The following CNTNAP2 variants were observed in gnomAD, a reference collection of about 807,000 sequenced individuals.
CNTNAP2 encodes the protein contactin-associated protein-like 2.
A neutral mutation model predicts 155.2 loss-of-function variants in CNTNAP2; 98 were observed. The observed-to-expected ratio is 0.63, with a 90% CI of 0.54 to 0.75. The LOEUF (loss-of-function observed/expected upper bound fraction) is 0.75. Among genes scored for constraint, CNTNAP2 ranks in the 30% least tolerant of loss-of-function variants. The probability of loss-of-function intolerance (pLI) is 0.00; values close to 1 mark genes in which losing one functional copy is unlikely to be tolerated. For synonymous variants in CNTNAP2, 651 were observed against 631.2 expected, an observed-to-expected ratio of 1.03 and a Z score of -0.47; for missense variants, 1,727 against 1,688.1, an observed-to-expected ratio of 1.02 and a Z score of -0.40.
intron 8 of CNTNAP2, among the ~76,000 whole-genome samples, chr7:147,212,099 A>T (rs1803160868): frequency 6.6e-6 from 1 of 152,096 alleles, no homozygotes; most frequent in Admixed American, 6.6e-5. Context: ...ATAAAACAAC[A>T]CATACTGGTG....
At chr7:148,134,636 C>T (rs149570832) in intron 16 of CNTNAP2, among the ~76,000 whole-genome samples, 3 of 152,118 alleles carry the variant, frequency 2.0e-5, no homozygotes, top group South Asian at 4.1e-4. Flanking sequence ...TAAATAAAAT[C>T]GTATACAATA....
At chr7:148,125,828 A>G (rs1004147608) in intron 16 of CNTNAP2, among the ~76,000 whole-genome samples, 1 of 151,726 alleles carries the variant, frequency 6.6e-6, no homozygotes, top group Non-Finnish European at 1.5e-5. Context: ...CAGCCTCCCA[A>G]GTAGCTGGGA....
At chr7:147,016,744 T>C (rs924897312) in intron 3 of CNTNAP2, among the ~76,000 whole-genome samples, 6 of 152,058 alleles carry the variant, frequency 3.9e-5, no homozygotes, top group African/African-American at 1.4e-4. Context: ...AGGCACAAAA[T>C]AGTTTCTAGA....
In CNTNAP2 at chr7:146,727,991, A is replaced by G. The variant is rs145940555; in HGVS notation, c.98-46280A>G. 3.3e-5 allele frequency among the ~76,000 whole-genome samples: 5 copies of G among 152,254 alleles called. No individual in the cohort carries two copies. In the East Asian group the frequency reaches 9.7e-4, roughly 30 times the overall value. On this transcript the variant is annotated intron_variant, in intron 1 of 23. Transcript: ENST00000361727. ...AGCACCTGCTGTTATGTTGTTGCTCACTAAGTAGAGAAGGGGTCCAATGGC... is the reference window on the plus strand; with the variant it reads ...AGCACCTGCTGTTATGTTGTTGCTCGCTAAGTAGAGAAGGGGTCCAATGGC...
intron 8 of CNTNAP2, among the ~76,000 whole-genome samples, chr7:147,274,704 T>C (rs1345081629): frequency 1.3e-5 from 2 of 152,080 alleles, no homozygotes; most frequent in Admixed American, 1.3e-4. Context: ...TATTTTTGGG[T>C]TTGTTGCATT....
intron 17 of CNTNAP2, among the ~76,000 whole-genome samples, chr7:148,167,126 G>A (rs1265068081): frequency 6.6e-6 from 1 of 152,078 alleles, no homozygotes; most frequent in Non-Finnish European, 1.5e-5. Context: ...GAAGAGGGAG[G>A]ACAAAACTTT....
chr7:147,866,991 A>T lies in CNTNAP2; in HGVS notation c.2099-36574A>T, dbSNP rs12540453. Among the ~76,000 whole-genome samples the T allele has an allele frequency of 1.7e-4, 26 of 152,050 alleles. No individual in the cohort carries two copies. The East Asian group carries it at 4.4e-3, about 26-fold the overall frequency. On this transcript the variant is annotated intron_variant, in intron 13 of 23. Coordinates refer to ENST00000361727, the MANE Select transcript of CNTNAP2 (RefSeq NM_014141.6). ...TATGTGTGAATTTGACCCTCTCATT[A>T]TTATGTTAGCTGTTTATTTTGCTCA...
At chr7:146,630,089 G>A (rs1277879531) in intron 1 of CNTNAP2, among the ~76,000 whole-genome samples, 4 of 151,664 alleles carry the variant, frequency 2.6e-5, no homozygotes, top group Non-Finnish European at 5.9e-5. Context: ...TAGGTTTTAA[G>A]CCCTGTGTGC....
At chr7:147,768,500 G>A (rs932815051) in intron 13 of CNTNAP2, among the ~76,000 whole-genome samples, 1 of 152,022 alleles carries the variant, frequency 6.6e-6, no homozygotes, top group Non-Finnish European at 1.5e-5. Context: ...AGATAAATGG[G>A]AAAAATAGAA....
In CNTNAP2 at chr7:146,165,704, G is replaced by A. The variant is rs200210585; in HGVS notation, c.97+48731G>A. 2.2e-4 allele frequency among the ~76,000 whole-genome samples: 34 copies of A among 152,256 alleles called. 2 individuals carry two copies. In the East Asian group the frequency reaches 6.2e-3, roughly 28 times the overall value. On this transcript the variant is annotated intron_variant, in intron 1 of 23. Transcript: ENST00000361727. ...TATTATGTCACAAAAATGAATTAATGTTGGAAATATTTGTGAATACATAAA... is the reference window on the plus strand; with the variant it reads ...TATTATGTCACAAAAATGAATTAATATTGGAAATATTTGTGAATACATAAA...
At chr7:148,120,206 A>G (rs1490313799) in intron 16 of CNTNAP2, among the ~76,000 whole-genome samples, 1 of 147,596 alleles carries the variant, frequency 6.8e-6, no homozygotes, top group Non-Finnish European at 1.5e-5. Context: ...CATACTAGAT[A>G]GAGGGAGAGC....
chr7:147,332,723 G>A (rs1299770537), intron 9 of CNTNAP2, among the ~76,000 whole-genome samples: 1 of 152,040 alleles, frequency 6.6e-6, no homozygotes, highest in African/African-American at 2.4e-5. Flanking sequence ...TTAGCCGGCT[G>A]TGGTAGTGCA....
intron 11 of CNTNAP2, among the ~76,000 whole-genome samples, chr7:147,511,076 G>A (rs1011671649): frequency 7.3e-5 from 11 of 151,524 alleles, no homozygotes; most frequent in African/African-American, 2.7e-4. Flanking sequence ...GATTCATAAG[G>A]TCTGATTCAT....
intron 21 of CNTNAP2, among the ~76,000 whole-genome samples, chr7:148,380,881 T>G (rs956803550): frequency 6.6e-6 from 1 of 152,182 alleles, no homozygotes; most frequent in Admixed American, 6.5e-5. Flanking sequence ...GCAACAGGGG[T>G]GCCCTCAATT....
rs189600713 is a variant in CNTNAP2 at position 146,970,342 on chromosome 7, A to G, written c.403-73565A>G. 1.1e-3 allele frequency among the ~76,000 whole-genome samples: 160 copies of G among 152,028 alleles called. 2 individuals carry two copies. Among genetic ancestry groups the G allele is most frequent in the African/African-American group, 3.6e-3 (148 of 41,518 alleles). On this transcript the variant is annotated intron_variant, in intron 3 of 23. Transcript: ENST00000361727. ...AAAGGGCTACTATCCAGAATCTACAATGAACTCAAACAAATTTACAAGAAA... is the reference window on the plus strand; with the variant it reads ...AAAGGGCTACTATCCAGAATCTACAGTGAACTCAAACAAATTTACAAGAAA...
intron 1 of CNTNAP2, among the ~76,000 whole-genome samples, chr7:146,606,623 G>C (rs965037600): frequency 6.6e-6 from 1 of 151,968 alleles, no homozygotes; most frequent in African/African-American, 2.4e-5. Context: ...CTATTACTTT[G>C]ACCTCCAATA....
intron 11 of CNTNAP2, among the ~76,000 whole-genome samples, chr7:147,487,331 T>TA (rs1798527319): frequency 6.6e-6 from 1 of 152,112 alleles, no homozygotes; most frequent in African/African-American, 2.4e-5. Context: ...TTTTAATGAA[T>TA]AAAGAACAAA....
At chr7:148,139,829 G>A (rs533736683) in intron 16 of CNTNAP2, among the ~76,000 whole-genome samples, 15 of 152,242 alleles carry the variant, frequency 9.9e-5, no homozygotes, top group Admixed American at 4.6e-4. Context: ...ATGAGCCATC[G>A]TGCTCAGCCT....
chr7:146,427,447 C>G (rs980086858), intron 1 of CNTNAP2, among the ~76,000 whole-genome samples: 4 of 152,138 alleles, frequency 2.6e-5, no homozygotes, highest in Non-Finnish European at 5.9e-5. Context: ...TTGAATTTCA[C>G]TTAATTCTTT....
Sources: allele counts gnomAD v4.1 joint callset (sites outside exome capture counted in the v4.1 genomes callset), GRCh38; gene constraint gnomAD v4.1.1; transcripts MANE v1.5; gene names NCBI Gene and HGNC (gene_info 2026-07-23, HGNC 2026-07-21).